Variants in MAN2A1 observed in about 807,000 individuals in gnomAD.
MAN2A1 encodes the protein mannosidase alpha class 2A member 1, also known as alpha-mannosidase 2.
MAN2A1 carries 76 observed loss-of-function variants against 142.6 expected under a neutral mutation model. That is an observed-to-expected ratio of 0.53 (90% CI 0.44 to 0.65). The LOEUF is 0.65. Among genes scored for constraint, MAN2A1 ranks in the 30% least tolerant of loss-of-function variants. The pLI is 0.00. For missense variants in MAN2A1, 1,311 were observed against 1,365.1 expected (o/e 0.96, Z 0.62); for synonymous variants, 559 against 473.2 (o/e 1.18, Z -2.35).
chr5:109,744,420 G>A (rs915703013), intron 4 of MAN2A1, among the ~76,000 whole-genome samples: 4 of 152,062 alleles, frequency 2.6e-5, no homozygotes, highest in Non-Finnish European at 5.9e-5. Context: ...TGGTGATTAT[G>A]GGCCAGGGAT....
At chr5:109,694,061 G>C (rs1240385682) in intron 1 of MAN2A1, among the ~76,000 whole-genome samples, 2 of 152,178 alleles carry the variant, frequency 1.3e-5, no homozygotes, top group African/African-American at 4.8e-5. Context: ...GTATAATAGG[G>C]TTGTCTTATT....
chr5:109,704,502 TGACA>T (rs1213413788), intron 1 of MAN2A1, among the ~76,000 whole-genome samples: 3 of 152,182 alleles, frequency 2.0e-5, no homozygotes, highest in African/African-American at 4.8e-5. Flanking sequence ...TGTGGCTCAT[TGACA>T]GACAGGTGGA....
intron 17 of MAN2A1, 111 bp downstream of exon 17, chr5:109,842,572 C>A: frequency 1.6e-6 from 1 of 633,542 alleles, no homozygotes; most frequent in Non-Finnish European, 2.5e-6. Flanking sequence ...CTTAAAGTTG[C>A]AAATTATATC....
intron 20 of MAN2A1, 125 bp downstream of exon 20, chr5:109,855,459 C>T (rs1755584517): frequency 3.6e-6 from 2 of 552,360 alleles, no homozygotes; most frequent in Admixed American, 4.0e-5. Flanking sequence ...AACAGGGCTT[C>T]ACCTTTAGCC....
chr5:109,855,394 G>A (rs978924831), intron 20 of MAN2A1, 60 bp downstream of exon 20: 4 of 1,078,534 alleles, frequency 3.7e-6, no homozygotes, highest in African/African-American at 3.3e-5. Context: ...GTTTTAAGGG[G>A]GTAAGGAAAG....
intron 4 of MAN2A1, among the ~76,000 whole-genome samples, chr5:109,732,184 C>A (rs1230113121): frequency 6.7e-6 from 1 of 149,852 alleles, no homozygotes; most frequent in Non-Finnish European, 1.5e-5. Flanking sequence ...CTGTTCATGT[C>A]CTTTGCCCAC....
chr5:109,767,437 A>C, intron 5 of MAN2A1, 98 bp from the exon 6 acceptor site: 1 of 942,266 alleles, frequency 1.1e-6, no homozygotes, highest in East Asian at 2.6e-5. Context: ...TGATATCTCT[A>C]GGAGACTATA....
chr5:109,806,800 C>T (rs1235772054), intron 12 of MAN2A1, among the ~76,000 whole-genome samples: 1 of 152,180 alleles, frequency 6.6e-6, no homozygotes, highest in African/African-American at 2.4e-5. Flanking sequence ...CATTTGATCA[C>T]ACATGCAGCA....
chr5:109,739,201 A>G (rs1752196242), intron 4 of MAN2A1, among the ~76,000 whole-genome samples: 1 of 152,192 alleles, frequency 6.6e-6, no homozygotes. Flanking sequence ...AAGCTTTCTT[A>G]TATAATGCTT....
At chr5:109,752,992 A>C (rs1752588443) in intron 4 of MAN2A1, among the ~76,000 whole-genome samples, 1 of 152,294 alleles carries the variant, frequency 6.6e-6, no homozygotes, top group East Asian at 1.9e-4. Flanking sequence ...TAGATGAAAA[A>C]AGTTCTATCA....
chr5:109,802,122 CT>C (rs2112698563), intron 12 of MAN2A1, among the ~76,000 whole-genome samples: 1 of 152,198 alleles, frequency 6.6e-6, no homozygotes, highest in South Asian at 2.1e-4. Context: ...CTTCTTGATT[CT>C]TTCTTGCTCA....
chr5:109,780,546 G>GTGTGTGTGTGTGTA (rs1554078300), intron 8 of MAN2A1, among the ~76,000 whole-genome samples: 1 of 149,292 alleles, frequency 6.7e-6, no homozygotes, highest in Admixed American at 6.6e-5. Context: ...GTGTGTGTGT[G>GTGTGTGTGTGTGTA]TGTATGTGTG....
intron 1 of MAN2A1, among the ~76,000 whole-genome samples, chr5:109,709,720 C>G (rs780317808): frequency 6.6e-6 from 1 of 152,114 alleles, no homozygotes; most frequent in South Asian, 2.1e-4. Flanking sequence ...CTTGGTTTTT[C>G]TCTTTCACTA....
chr5:109,737,936 T>C (rs909400900), intron 4 of MAN2A1, among the ~76,000 whole-genome samples: 6 of 152,186 alleles, frequency 3.9e-5, no homozygotes, highest in South Asian at 2.1e-4. Context: ...ATAGCAGATG[T>C]GGATGACTGT....
chr5:109,717,922 T>G (rs540803210), intron 3 of MAN2A1, among the ~76,000 whole-genome samples: 1 of 152,356 alleles, frequency 6.6e-6, no homozygotes, highest in East Asian at 1.9e-4. Context: ...GGGATGCATA[T>G]GAAAAACACG....
At chr5:109,747,880 C>T (rs1752447654) in intron 4 of MAN2A1, among the ~76,000 whole-genome samples, 1 of 152,154 alleles carries the variant, frequency 6.6e-6, no homozygotes, top group African/African-American at 2.4e-5. Context: ...TACATCCCAC[C>T]AGCAATGCAC....
intron 19 of MAN2A1, chr5:109,853,827 A>G (rs900605781): frequency 6.6e-6 from 1 of 152,116 alleles, no homozygotes; most frequent in Non-Finnish European, 1.5e-5. Context: ...ATTATTTTAT[A>G]TGCTTTATTT....
intron 4 of MAN2A1, among the ~76,000 whole-genome samples, chr5:109,744,162 A>G (rs1752340509): frequency 6.6e-6 from 1 of 152,110 alleles, no homozygotes; most frequent in Admixed American, 6.6e-5. Flanking sequence ...TTATTGTGTT[A>G]TGCTCCAGAA....
chr5:109,749,790 C>G (rs10039083), intron 4 of MAN2A1, among the ~76,000 whole-genome samples: 1 of 151,894 alleles, frequency 6.6e-6, no homozygotes, highest in East Asian at 1.9e-4. Context: ...TAATATTCCC[C>G]TGCTTGTCAG....
Sources: gnomAD v4.1 joint callset for allele counts (sites outside exome capture counted in the v4.1 genomes callset) on GRCh38, gnomAD v4.1.1 for gene constraint, MANE v1.5 for transcripts, NCBI Gene and HGNC (gene_info 2026-07-23, HGNC 2026-07-21) for gene names.